Variants in LIPM observed in about 807,000 individuals in gnomAD.
LIPM encodes lipase member M.
A neutral mutation model predicts 42.4 loss-of-function variants in LIPM; 42 were observed. The ratio of observed to expected loss-of-function variants is 0.99; its 90% CI spans 0.77 to 1.28. The LOEUF is 1.28. LIPM is among the 50% of genes most tolerant of loss of function. The pLI, the probability that LIPM is intolerant of heterozygous loss-of-function variation, is 0.00. For synonymous variants in LIPM, 177 were observed against 173.3 expected (o/e 1.02, Z -0.17); for missense variants, 524 against 520.1 (o/e 1.01, Z -0.07).
Position 88,820,243 on chromosome 10 carries a change from A to G in LIPM, c.1014A>G (p.Val338=). The G allele has an allele frequency of 1.9e-6, 3 of 1,551,020 alleles. No homozygotes were observed. The highest frequency in any genetic ancestry group is 2.0e-5 in the Admixed American group (1 of 50,944). Residue 338 remains valine (V), a synonymous_variant, in exon 9 of 9, where the codon GTA becomes GTG. Coordinates refer to ENST00000404743, the MANE Select transcript of LIPM (RefSeq NM_001128215.1). The part of the protein sequence containing the change: ...NLEKCNQPTP[V]RYRVRDMTVP... ...TTCCTTTTCTCTAGCCAACTCCTGT[A>G]AGGTACAGAGTCAGAGATATGACGG...
chr10:88,808,377 A>G lies in LIPM; in HGVS notation c.227A>G (p.Asn76Ser), dbSNP rs1009335077. 3 of 1,551,620 alleles carry G rather than the reference A, an allele frequency of 1.9e-6. No individual in the cohort carries two copies. Among genetic ancestry groups the G allele is most frequent in the Admixed American group, 2.0e-5 (1 of 50,998 alleles). Residue 76 changes from asparagine (N) to serine (S), a missense_variant, in exon 2 of 9, where the codon AAC (asparagine) becomes AGC (serine). By Grantham distance (46) the Asn-to-Ser change is conservative. Transcript: ENST00000404743. ...ATEDGYILSV[N>S]RIPRGLVQPK... is the part of the protein sequence containing the mutation. ...GAAGATGGGTATATCCTTTCTGTTAACAGGATTCCTCGAGGCCTAGTGCAA... is the reference window on the plus strand; with the variant it reads ...GAAGATGGGTATATCCTTTCTGTTAGCAGGATTCCTCGAGGCCTAGTGCAA...
At chr10:88,805,914 A>G (rs303534) in intron 1 of LIPM, 91,389 of 455,036 alleles carry the variant, frequency 0.2, 9,510 homozygotes, top group Admixed American at 0.25. Flanking sequence ...AAACAGCCAG[A>G]CTCAACTCCA....
chr10:88,820,290 G>C lies in LIPM; in HGVS notation c.1061G>C (p.Gly354Ala). The change falls in exon 9 of 9, where the codon GGA (glycine) becomes GCA (alanine). Residue 354 changes from glycine to alanine, a missense_variant. Gly to Ala is a moderately conservative substitution (Grantham distance 60). Coordinates refer to ENST00000404743, the MANE Select transcript of LIPM (RefSeq NM_001128215.1). ...DMTVPTAMWT[G>A]GQDWLSNPED... ...ACGGTCCCTACAGCAATGTGGACAG[G>C]AGGTCAGGACTGGCTTTCAAATCCA... 6.4e-7 allele frequency: 1 copy of C among 1,552,064 alleles called. No individual in the cohort carries two copies. Among genetic ancestry groups the C allele is most frequent in the South Asian group, 1.2e-5 (1 of 84,064 alleles).
chr10:88,816,318 A>AT (rs1480077950), intron 6 of LIPM, among the ~76,000 whole-genome samples: 2 of 152,128 alleles, frequency 1.3e-5, no homozygotes, highest in East Asian at 3.9e-4. Context: ...AATTCTGAAT[A>AT]TTTTTTCTTC....
intron 8 of LIPM, 150 bp downstream of exon 8, chr10:88,818,046 G>T (rs1032801244): frequency 1.5e-6 from 1 of 675,814 alleles, no homozygotes; most frequent in South Asian, 1.9e-5. Context: ...TTTGAAAATG[G>T]TTAAGTTCAC....
chr10:88,815,615 C>T, intron 6 of LIPM, 112 bp downstream of exon 6: 1 of 895,804 alleles, frequency 1.1e-6, no homozygotes, highest in Non-Finnish European at 1.7e-6. Flanking sequence ...ATGATATATT[C>T]TCAGTAACTC....
At chr10:88,814,829 G>T in intron 4 of LIPM, among the ~76,000 whole-genome samples, 190 bp downstream of exon 4, 1 of 152,088 alleles carries the variant, frequency 6.6e-6, no homozygotes, top group East Asian at 1.9e-4. Flanking sequence ...TGTGCTATAT[G>T]TGTCTAGATA....
chr10:88,810,277 A>G (rs1161710691), intron 2 of LIPM, among the ~76,000 whole-genome samples: 4 of 152,208 alleles, frequency 2.6e-5, no homozygotes, highest in Non-Finnish European at 1.5e-5. Flanking sequence ...GTAAAAGCAC[A>G]GTTCTTCCAA....
chr10:88,815,265 A>C, intron 5 of LIPM, 41 bp downstream of exon 5: 1 of 1,547,604 alleles, frequency 6.5e-7, no homozygotes. Context: ...ACGTAGAAAA[A>C]TCTTCCAGCC....
At position 88,817,906 on chromosome 10, in the gene LIPM, T is replaced by A; in HGVS notation, c.1002+10T>A. The A allele has an allele frequency of 6.5e-7, 1 of 1,543,262 alleles. No homozygotes were observed. The highest frequency in any genetic ancestry group is 8.8e-7 in the Non-Finnish European group (1 of 1,139,498). On this transcript the variant is annotated intron_variant, in intron 8 of 8. Transcript: ENST00000404743. ...GGAAAAATGCAATCAGGTAAGAAAA[T>A]CAAATACCATCTGCTGAAAATATAT...
At position 88,815,103 on chromosome 10, in the gene LIPM, C is replaced by T. The variant is rs1288224593; in HGVS notation, c.590C>T (p.Ser197Phe). ...QGTTMGFIAF[S>F]TMPELAQKIK... Reference sequence around the variant, plus strand: ...TCTTTTGCAGGCTTTATTGCATTTTCCACCATGCCAGAGCTGGCTCAGAAA... The same window carrying T: ...TCTTTTGCAGGCTTTATTGCATTTTTCACCATGCCAGAGCTGGCTCAGAAA... Residue 197 changes from serine (S) to phenylalanine (F), a missense_variant, in exon 5 of 9, where the codon TCC becomes TTC. Ser to Phe is a radical substitution (Grantham distance 155). Coordinates refer to ENST00000404743, the MANE Select transcript of LIPM (RefSeq NM_001128215.1). 19 of 1,545,210 alleles carry T rather than the reference C, an allele frequency of 1.2e-5. No homozygotes were observed. Among genetic ancestry groups the T allele is most frequent in the Non-Finnish European group, 1.7e-5 (19 of 1,144,972 alleles).
At chr10:88,810,441 C>T (rs946080633) in intron 2 of LIPM, among the ~76,000 whole-genome samples, 12 of 151,348 alleles carry the variant, frequency 7.9e-5, no homozygotes, top group Admixed American at 6.6e-5. Context: ...TGTTCCAGTC[C>T]GTGCAGAATA....
In LIPM at chr10:88,820,372, T is replaced by C. The variant is rs772092829; in HGVS notation, c.1143T>C (p.Ile381=). ...CCAACCTCATCTACCATAAGAATAT[T>C]CCTGAATGGGCTCACGTGGATTTCA... The part of the protein sequence containing the change: ...EVTNLIYHKN[I]PEWAHVDFIW... The change falls in exon 9 of 9, where the codon ATT becomes ATC. Residue 381 remains isoleucine, a synonymous_variant. Transcript: ENST00000404743. 3.0e-5 allele frequency: 46 copies of C among 1,552,176 alleles called. No individual in the cohort carries two copies. The highest frequency in any genetic ancestry group is 3.7e-5 in the Non-Finnish European group (43 of 1,147,148).
chr10:88,811,396 C>T (rs1339005111), intron 2 of LIPM, among the ~76,000 whole-genome samples: 1 of 152,066 alleles, frequency 6.6e-6, no homozygotes, highest in Non-Finnish European at 1.5e-5. Flanking sequence ...TTCTTCTGAG[C>T]CAATACTGAG....
intron 6 of LIPM, among the ~76,000 whole-genome samples, chr10:88,815,774 A>G (rs1294899843): frequency 6.6e-6 from 1 of 152,252 alleles, no homozygotes; most frequent in African/African-American, 2.4e-5. Flanking sequence ...AATTAAAAAG[A>G]GCAATTAGCA....
rs371082270 is a variant in LIPM at position 88,817,912 on chromosome 10, A to G, written c.1002+16A>G. ...ATGCAATCAGGTAAGAAAATCAAAT[A>G]CCATCTGCTGAAAATATATACATTG... On this transcript the variant is annotated intron_variant, in intron 8 of 8. Transcript: ENST00000404743. 3.2e-6 allele frequency: 5 copies of G among 1,538,590 alleles called. No individual in the cohort carries two copies. Among genetic ancestry groups the G allele is most frequent in the Non-Finnish European group, 3.5e-6 (4 of 1,135,268 alleles).
intron 8 of LIPM, among the ~76,000 whole-genome samples, chr10:88,819,814 C>A (rs1311464364): frequency 1.3e-5 from 2 of 152,174 alleles, no homozygotes; most frequent in Non-Finnish European, 2.9e-5. Context: ...CCCTTCCCAG[C>A]AGATTCCTTG....
intron 1 of LIPM, among the ~76,000 whole-genome samples, chr10:88,805,746 TA>T: frequency 6.6e-6 from 1 of 152,334 alleles, no homozygotes; most frequent in East Asian, 1.9e-4. Context: ...TTTTTTTAAA[TA>T]AGTATTTGCC....
At chr10:88,814,892 ATTAT>A (rs1843699301) in intron 4 of LIPM, among the ~76,000 whole-genome samples, 192 bp from the exon 5 acceptor site, 1 of 152,186 alleles carries the variant, frequency 6.6e-6, no homozygotes, top group Admixed American at 6.5e-5. Context: ...GTGTTATTCA[ATTAT>A]TTATTTAACT....
Sources: allele counts gnomAD v4.1 joint callset (sites outside exome capture counted in the v4.1 genomes callset), GRCh38; gene constraint gnomAD v4.1.1; transcripts MANE v1.5; gene names NCBI Gene and HGNC (gene_info 2026-07-23, HGNC 2026-07-21).